PARD3: variants seen among roughly 807,000 people sequenced by gnomAD.
The protein encoded by PARD3 is partitioning defective 3 homolog.
PARD3 carries 75 observed loss-of-function variants against 155.4 expected under a neutral mutation model. That is an observed-to-expected ratio of 0.48 (90% CI 0.40 to 0.58). The LOEUF is 0.58. PARD3 is among the 20% of genes least tolerant of loss of function. PARD3 has a pLI of 0.00. For synonymous variants in PARD3, 576 were observed against 610.5 expected (o/e 0.94, Z 0.83); for missense variants, 1,642 against 1,721.7 (o/e 0.95, Z 0.82).
In PARD3 at chr10:34,470,192, T is replaced by G; in HGVS notation, c.475A>C (p.Asn159His). The change falls in exon 4 of 25, where the codon AAT (asparagine) becomes CAT (histidine). Residue 159 changes from asparagine to histidine, a missense_variant. Around this residue, in one of 3 missense-constraint regions of PARD3, gnomAD observed 1,529 missense variants for 1,587.3 expected, o/e 0.96. Transcript: ENST00000374788. ...IGLSTSVSDS[N>H]FSSEEPSRKN... ...CTTGAAGGCTCTTCAGAGGAAAAATTACTATCACTGACAGAAGTGGAGAGG... is the reference window on the plus strand; with the variant it reads ...CTTGAAGGCTCTTCAGAGGAAAAATGACTATCACTGACAGAAGTGGAGAGG... 6.2e-7 allele frequency: 1 copy of G among 1,613,336 alleles called. No homozygotes were observed. The highest frequency in any genetic ancestry group is 8.5e-7 in the Non-Finnish European group (1 of 1,179,662).
At chr10:34,383,030 T>C in intron 8 of PARD3, 108 bp from the exon 9 acceptor site, 1 of 1,260,902 alleles carries the variant, frequency 7.9e-7, no homozygotes, top group Non-Finnish European at 1.1e-6. Context: ...GACAGGCTGT[T>C]GAAATTGAAA....
At chr10:34,430,076 G>A (rs140636489) in intron 5 of PARD3, among the ~76,000 whole-genome samples, 13 of 152,290 alleles carry the variant, frequency 8.5e-5, no homozygotes, top group Middle Eastern at 3.4e-3. Context: ...CATAATGCTA[G>A]TACTTCTTAG....
intron 1 of PARD3, among the ~76,000 whole-genome samples, chr10:34,746,115 G>GA (rs1024431631): frequency 4.0e-5 from 6 of 150,092 alleles, no homozygotes; most frequent in Admixed American, 6.6e-5. Flanking sequence ...AAACAAAAAA[G>GA]AAAAAAAAAT....
chr10:34,606,043 C>A, intron 2 of PARD3, among the ~76,000 whole-genome samples: 1 of 133,464 alleles, frequency 7.5e-6, no homozygotes, highest in Non-Finnish European at 1.6e-5. Flanking sequence ...ATATATATAT[C>A]TTCTATATAT....
At position 34,382,562 on chromosome 10, in the gene PARD3, C is replaced by A; in HGVS notation, c.1377G>T (p.Arg459Ser). The part of the protein sequence containing the change: ...SGYNTKKIGK[R>S]LNIQLKKGTE... ...TACCTTTCTTAAGCTGGATATTAAG[C>A]CTCTTGCCTATTTTTTTGGTGTTAT... Residue 459 changes from arginine (R) to serine (S), a missense_variant, in exon 9 of 25, where the codon AGG (arginine) becomes AGT (serine). Transcript: ENST00000374788. 2 of 1,613,078 alleles carry A rather than the reference C, an allele frequency of 1.2e-6. No individual in the cohort carries two copies. Among genetic ancestry groups the A allele is most frequent in the Non-Finnish European group, 8.5e-7 (1 of 1,179,912 alleles).
At chr10:34,131,410 T>TG in intron 23 of PARD3, 53 bp downstream of exon 23, 4 of 1,609,552 alleles carry the variant, frequency 2.5e-6, no homozygotes, top group Non-Finnish European at 3.4e-6. Context: ...TAGTGGCCTT[T>TG]GCTGCAGGGA....
intron 1 of PARD3, among the ~76,000 whole-genome samples, chr10:34,740,940 CAAAT>C (rs1475012090): frequency 2.0e-5 from 3 of 152,030 alleles, no homozygotes; most frequent in African/African-American, 4.8e-5. Context: ...GTTGGTGTCT[CAAAT>C]AACTAACTCG....
At chr10:34,350,178 T>C (rs896772100) in intron 14 of PARD3, among the ~76,000 whole-genome samples, 5 of 152,352 alleles carry the variant, frequency 3.3e-5, no homozygotes, top group African/African-American at 1.2e-4. Flanking sequence ...AATCTTTTGA[T>C]GATTTTTTGT....
chr10:34,259,983 C>T (rs570588519), intron 22 of PARD3, among the ~76,000 whole-genome samples: 3 of 152,218 alleles, frequency 2.0e-5, no homozygotes, highest in East Asian at 1.9e-4. Flanking sequence ...GCTGTGACTA[C>T]AGGTAGGTGC....
chr10:34,594,354 G>A (rs1216608883), intron 2 of PARD3, among the ~76,000 whole-genome samples: 1 of 152,180 alleles, frequency 6.6e-6, no homozygotes, highest in African/African-American at 2.4e-5. Context: ...AAAGTCTTGA[G>A]GAAAGTGTGT....
intron 4 of PARD3, among the ~76,000 whole-genome samples, chr10:34,452,004 G>A (rs1302528463): frequency 6.6e-6 from 1 of 152,058 alleles, no homozygotes; most frequent in Non-Finnish European, 1.5e-5. Flanking sequence ...ATTCAGATAA[G>A]TCATAAAGGG....
chr10:34,183,230 T>G (rs1361224213), intron 22 of PARD3, among the ~76,000 whole-genome samples: 1 of 152,212 alleles, frequency 6.6e-6, no homozygotes, highest in Non-Finnish European at 1.5e-5. Flanking sequence ...ATGATCCAGC[T>G]GCTGCATATC....
chr10:34,657,546 T>C (rs1173861871), intron 2 of PARD3, among the ~76,000 whole-genome samples: 3 of 151,876 alleles, frequency 2.0e-5, no homozygotes, highest in African/African-American at 7.3e-5. Flanking sequence ...GTTTGTTTGT[T>C]TGTTTGTTTT....
chr10:34,568,133 T>C (rs1454405518), intron 2 of PARD3, among the ~76,000 whole-genome samples: 1 of 152,210 alleles, frequency 6.6e-6, no homozygotes, highest in Non-Finnish European at 1.5e-5. Flanking sequence ...TTGAGTCTGT[T>C]ATCCACAGTT....
chr10:34,723,553 T>C lies in PARD3; in HGVS notation c.121-27134A>G, dbSNP rs532819612. 3.3e-5 allele frequency among the ~76,000 whole-genome samples: 5 copies of C among 152,326 alleles called. No homozygotes were observed. The South Asian group carries it at 1.0e-3, about 32-fold the overall frequency. ...GATAAGATCATAAACTTCTTTGAGC[T>C]CATATCACCAATTATTTCAAACTCT... is the stretch of plus-strand genomic sequence containing the variant. On this transcript the variant is annotated intron_variant, in intron 1 of 24. Transcript: ENST00000374788.
intron 2 of PARD3, among the ~76,000 whole-genome samples, chr10:34,574,784 T>C (rs1418257379): frequency 6.6e-6 from 1 of 152,190 alleles, no homozygotes; most frequent in Non-Finnish European, 1.5e-5. Context: ...AGAACAATCA[T>C]AAGCCTGGAG....
chr10:34,522,294 T>G (rs775856104), intron 2 of PARD3, among the ~76,000 whole-genome samples: 6 of 152,066 alleles, frequency 3.9e-5, no homozygotes, highest in African/African-American at 2.4e-5. Flanking sequence ...TGAGCAGCAT[T>G]TAGAAGGCAA....
At chr10:34,131,432 C>T (rs1414913185) in intron 23 of PARD3, 31 bp downstream of exon 23, 12 of 1,613,090 alleles carry the variant, frequency 7.4e-6, no homozygotes, top group Non-Finnish European at 1.0e-5. Flanking sequence ...GTTGTAGGAC[C>T]ATTCACCGTG....
chr10:34,713,293 T>C (rs1428656700), intron 1 of PARD3, among the ~76,000 whole-genome samples: 1 of 152,006 alleles, frequency 6.6e-6, no homozygotes, highest in Non-Finnish European at 1.5e-5. Flanking sequence ...CTTTTCTTCT[T>C]AGAACAGAAA....
Sources: allele counts gnomAD v4.1 joint callset (sites outside exome capture counted in the v4.1 genomes callset), GRCh38; gene constraint gnomAD v4.1.1; regional missense constraint gnomAD v4.1.1; transcripts MANE v1.5; gene names NCBI Gene and HGNC (gene_info 2026-07-23, HGNC 2026-07-21).